Variants in TTK observed in about 807,000 individuals in gnomAD.
The protein encoded by TTK is dual specificity protein kinase TTK.
TTK carries 59 observed loss-of-function variants against 117.3 expected under a neutral mutation model. The observed-to-expected ratio is 0.50, with a 90% CI of 0.41 to 0.62. The LOEUF is 0.62. TTK is among the 20% of genes least tolerant of loss of function. The probability of loss-of-function intolerance (pLI) is 0.00; values close to 1 mark genes in which losing one functional copy is unlikely to be tolerated. For synonymous variants in TTK, 302 were observed against 325.0 expected (o/e 0.93, Z 0.76); for missense variants, 921 against 989.4 (o/e 0.93, Z 0.93).
At chr6:80,027,562 A>C (rs1180687139) in intron 12 of TTK, among the ~76,000 whole-genome samples, 1 of 152,152 alleles carries the variant, frequency 6.6e-6, no homozygotes, top group Non-Finnish European at 1.5e-5. Context: ...TTAAAAAAAA[A>C]CTCAAAATCT....
chr6:80,038,203 A>G (rs773526488), intron 18 of TTK, among the ~76,000 whole-genome samples, 156 bp downstream of exon 18: 2 of 152,082 alleles, frequency 1.3e-5, no homozygotes, highest in Non-Finnish European at 2.9e-5. Context: ...AATTCTTACT[A>G]TTTTTCACCA....
intron 17 of TTK, 41 bp downstream of exon 17, chr6:80,036,640 C>T: frequency 1.3e-6 from 2 of 1,546,596 alleles, no homozygotes; most frequent in Non-Finnish European, 1.7e-6. Context: ...GAGTTCAATT[C>T]TTTTTTTACC....
chr6:80,041,658 G>A lies in TTK; in HGVS notation c.2491-461G>A, dbSNP rs185042553. On this transcript the variant is annotated intron_variant, in intron 21 of 21. Coordinates refer to ENST00000369798, the MANE Select transcript of TTK (RefSeq NM_003318.5). ...CATCTTCATAAGTTAGATGTTAGCT[G>A]AGTCTTAAATCATTTTTAAATACAT... 7.3e-5 allele frequency among the ~76,000 whole-genome samples: 11 copies of A among 151,326 alleles called. 1 individual carries two copies. The South Asian group carries it at 1.5e-3, about 20-fold the overall frequency.
chr6:80,037,916 G>A (rs764752440), intron 17 of TTK, 51 bp from the exon 18 acceptor site: 8 of 1,126,464 alleles, frequency 7.1e-6, no homozygotes, highest in Non-Finnish European at 9.7e-6. Flanking sequence ...AAAATCTAAA[G>A]CAGAATTAAA....
intron 10 of TTK, among the ~76,000 whole-genome samples, chr6:80,018,182 CAA>C: frequency 7.4e-6 from 1 of 136,036 alleles, no homozygotes; most frequent in Admixed American, 7.4e-5. Flanking sequence ...GACCTTGTCT[CAA>C]AAAAAAAAAA....
rs3757177 is a variant in TTK at position 80,028,153 on chromosome 6, C to G, written c.1521+142C>G. On this transcript the variant is annotated intron_variant, in intron 13 of 21. Coordinates refer to ENST00000369798, the MANE Select transcript of TTK (RefSeq NM_003318.5). ...CACTAGACAAAACTTTTCTGATATTCTAATAAGAGTGTGCCTTGTGGCTTT... is the reference window on the plus strand; with the variant it reads ...CACTAGACAAAACTTTTCTGATATTGTAATAAGAGTGTGCCTTGTGGCTTT... 2.4e-5 allele frequency: 21 copies of G among 890,486 alleles called. No individual in the cohort carries two copies. The East Asian group carries it at 6.6e-4, about 28-fold the overall frequency. 55.2% of individuals were successfully genotyped at this position (890,486 alleles called of 1,614,324 possible). A position where few individuals can be genotyped will look rare whatever the true frequency, so the allele number is the denominator to read the frequency against.
chr6:80,022,088 G>T (rs1301636368), intron 10 of TTK, among the ~76,000 whole-genome samples: 1 of 152,132 alleles, frequency 6.6e-6, no homozygotes, highest in Non-Finnish European at 1.5e-5. Context: ...ATGTGGCAAG[G>T]TCTCTGACAA....
Position 80,011,757 on chromosome 6 carries a change from A to G in TTK, c.757A>G (p.Ile253Val). ...GAACATGCCACCACAAGATGCAGAAATAGGTTACCGGAATTCATTGAGACA... is the reference window on the plus strand; with the variant it reads ...GAACATGCCACCACAAGATGCAGAAGTAGGTTACCGGAATTCATTGAGACA... ...GENMPPQDAE[I>V]GYRNSLRQTN... Residue 253 changes from isoleucine to valine, a missense_variant, in exon 7 of 22, where the codon ATA (isoleucine) becomes GTA (valine). Physicochemically the swap from Ile to Val is conservative, Grantham distance 29. Transcript: ENST00000369798. 6.2e-7 allele frequency: 1 copy of G among 1,612,848 alleles called. No homozygotes were observed. Among genetic ancestry groups the G allele is most frequent in the Non-Finnish European group, 8.5e-7 (1 of 1,179,214 alleles).
intron 19 of TTK, 27 bp downstream of exon 19, chr6:80,039,899 A>G (rs745356368): frequency 7.0e-7 from 1 of 1,428,604 alleles, no homozygotes; most frequent in South Asian, 1.6e-5. Flanking sequence ...GTAACTAATT[A>G]TTTACTTAAA....
rs577528576 is a variant in TTK at position 80,035,183 on chromosome 6, A to G, written c.1772+41A>G. ...AAATTTAAAAAGAAAACTTTTTGCC[A>G]TAATTCTTCAGGTAAATATTTAGTA... On this transcript the variant is annotated intron_variant, in intron 15 of 21. Coordinates refer to ENST00000369798, the MANE Select transcript of TTK (RefSeq NM_003318.5). The G allele has an allele frequency of 2.6e-5, 39 of 1,528,178 alleles. No individual in the cohort carries two copies. The South Asian group carries it at 4.4e-4, about 17-fold the overall frequency. 94.7% of individuals were successfully genotyped at this position (1,528,178 alleles called of 1,614,324 possible). A position where few individuals can be genotyped will look rare whatever the true frequency, so the allele number is the denominator to read the frequency against.
chr6:80,040,161 T>C, intron 19 of TTK, 35 bp from the exon 20 acceptor site: 1 of 1,477,482 alleles, frequency 6.8e-7, no homozygotes, highest in Admixed American at 2.3e-5. Context: ...GAAAACCTGC[T>C]TTGTTTTTCT....
chr6:80,027,547 A>G (rs1311168660), intron 12 of TTK, among the ~76,000 whole-genome samples: 1 of 152,156 alleles, frequency 6.6e-6, no homozygotes, highest in Non-Finnish European at 1.5e-5. Context: ...ATAGAACATT[A>G]TTGTTTAAAA....
At chr6:80,040,047 G>A in intron 19 of TTK, 149 bp from the exon 20 acceptor site, 1 of 931,060 alleles carries the variant, frequency 1.1e-6, no homozygotes, top group East Asian at 3.0e-5. Flanking sequence ...TTGCAAAAGT[G>A]CCTTGGGAGA....
rs1478230933 is a variant in TTK, at chr6:80,026,511, G to C, written c.1391G>C (p.Ser464Thr). 3 of 1,613,444 alleles carry C rather than the reference G, an allele frequency of 1.9e-6. No homozygotes were observed. The South Asian group carries it at 3.3e-5, about 18-fold the overall frequency. Residue 464 changes from serine to threonine, a missense_variant, in exon 12 of 22, where the codon AGC (serine) becomes ACC (threonine). Coordinates refer to ENST00000369798, the MANE Select transcript of TTK (RefSeq NM_003318.5). ...AGCAATACCTTGGATGATTACATGAGCTGGTAATTACTTTGGCCCCTTGCT... is the reference window on the plus strand; with the variant it reads ...AGCAATACCTTGGATGATTACATGACCTGGTAATTACTTTGGCCCCTTGCT... The part of the protein sequence containing the change: ...PSSNTLDDYM[S>T]CFRTPVVKND...
intron 2 of TTK, among the ~76,000 whole-genome samples, chr6:80,006,823 A>G (rs1582084680): frequency 6.6e-6 from 1 of 152,156 alleles, no homozygotes; most frequent in East Asian, 1.9e-4. Context: ...ACCAAATTAA[A>G]TTTAAAACGA....
At chr6:80,024,535 A>T (rs537117538) in intron 11 of TTK, among the ~76,000 whole-genome samples, 45 of 152,364 alleles carry the variant, frequency 3.0e-4, no homozygotes, top group Non-Finnish European at 1.0e-4. Context: ...TTTAGATAAA[A>T]TGGTCAGAAT....
rs1767124766 is a variant in TTK at position 80,010,831 on chromosome 6, AAAC to A, written c.491_493del (p.Gln164del). ...TTTGTTAGGTAATGTCAAAAAAAGTAAACAACTTCTTCAAAAAGCTGTAGAACG... is the reference window on the plus strand; with the variant it reads ...TTTGTTAGGTAATGTCAAAAAAAGTAAACTTCTTCAAAAAGCTGTAGAACG... On this transcript the variant is annotated inframe_deletion, in exon 5 of 22. Transcript: ENST00000369798. The A allele has an allele frequency of 1.9e-6, 3 of 1,611,050 alleles. No individual in the cohort carries two copies. The highest frequency in any genetic ancestry group is 2.5e-6 in the Non-Finnish European group (3 of 1,178,104).
chr6:80,040,897 C>T (rs990502606), intron 21 of TTK, among the ~76,000 whole-genome samples, 194 bp downstream of exon 21: 1 of 151,808 alleles, frequency 6.6e-6, no homozygotes, highest in Non-Finnish European at 1.5e-5. Context: ...CTTCTGCATA[C>T]AGTACAGTTC....
chr6:80,014,364 G>A, intron 9 of TTK, 99 bp from the exon 10 acceptor site: 1 of 1,062,096 alleles, frequency 9.4e-7, no homozygotes, highest in Non-Finnish European at 1.3e-6. Flanking sequence ...AATTTTATGA[G>A]CAATCCATGT....
Sources: gnomAD v4.1 joint callset for allele counts (sites outside exome capture counted in the v4.1 genomes callset) on GRCh38, gnomAD v4.1.1 for gene constraint, MANE v1.5 for transcripts, NCBI Gene and HGNC (gene_info 2026-07-23, HGNC 2026-07-21) for gene names.